CAPN13: variants seen among roughly 807,000 people sequenced by gnomAD.
CAPN13 encodes the protein calpain-13.
Under a neutral mutation model 98.4 loss-of-function variants are expected in CAPN13, and 90 were observed. That is an observed-to-expected ratio of 0.92 (90% CI 0.77 to 1.09). CAPN13 has a LOEUF of 1.09. Ranked by LOEUF, CAPN13 falls within the 50% of genes least tolerant of loss-of-function variation. The pLI, the probability that CAPN13 is intolerant of heterozygous loss-of-function variation, is 0.00. For missense variants in CAPN13, 887 were observed against 841.3 expected (o/e 1.05, Z -0.67); for synonymous variants, 330 against 305.5 (o/e 1.08, Z -0.84).
intron 17 of CAPN13, 66 bp downstream of exon 17, chr2:30,738,169 G>A (rs746903094): frequency 1.3e-6 from 2 of 1,558,618 alleles, no homozygotes; most frequent in East Asian, 4.5e-5. Flanking sequence ...TCCTAATTAG[G>A]TCTCTGGGGA....
intron 1 of CAPN13, among the ~76,000 whole-genome samples, chr2:30,793,857 A>G (rs2148091305): frequency 6.6e-6 from 1 of 151,970 alleles, no homozygotes; most frequent in East Asian, 1.9e-4. Context: ...ATGGTGCTGG[A>G]TCAACAGGAT....
intron 1 of CAPN13, among the ~76,000 whole-genome samples, chr2:30,806,514 C>A (rs141102661): frequency 3.9e-5 from 6 of 152,152 alleles, no homozygotes; most frequent in Non-Finnish European, 8.8e-5. Context: ...TAATGCCACT[C>A]GGGGGTAACC....
chr2:30,787,080 G>A lies in CAPN13; in HGVS notation c.198+48C>T, dbSNP rs200853816. On this transcript the variant is annotated intron_variant, in intron 2 of 22. Transcript: ENST00000295055. ...TTTGGCTGGAGGTGCCATGGCAGGC[G>A]ACTCCGAGGACCCTGGAGCTGGGTA... The A allele has an allele frequency of 5.8e-3, 8,362 of 1,436,906 alleles. 30 individuals carry two copies. Among genetic ancestry groups the A allele is most frequent in the Non-Finnish European group, 7.0e-3 (7,565 of 1,078,362 alleles). 89.0% of individuals were successfully genotyped at this position (1,436,906 alleles called of 1,614,324 possible). A position where few individuals can be genotyped will look rare whatever the true frequency, so the allele number is the denominator to read the frequency against.
chr2:30,753,184 T>C lies in CAPN13; in HGVS notation c.956A>G (p.Asp319Gly). 1.2e-6 allele frequency: 2 copies of C among 1,614,004 alleles called. No individual in the cohort carries two copies. The highest frequency in any genetic ancestry group is 1.7e-6 in the Non-Finnish European group (2 of 1,179,880). Residue 319 changes from aspartate (D) to glycine (G), a missense_variant, in exon 10 of 23, where the codon GAT (aspartate) becomes GGT (glycine). Coordinates refer to ENST00000295055, the MANE Select transcript of CAPN13 (RefSeq NM_144575.3). ...EDGEFWMSCQDFQQKFIAMFI... is the reference protein window; with the variant it reads ...EDGEFWMSCQGFQQKFIAMFI... The stretch of plus-strand genomic sequence containing the variant: ...CATGGCGATGAATTTCTGTTGGAAA[T>C]CTTGACACGACATCCTGTTAAAAAC...
chr2:30,737,997 ACACACACACC>A, intron 17 of CAPN13: 2 of 558,408 alleles, frequency 3.6e-6, no homozygotes, highest in Admixed American at 3.0e-5. Flanking sequence ...ACACACACAC[ACACACACACC>A]CCAGTACACT....
In CAPN13 at chr2:30,743,366, C is replaced by T; in HGVS notation, c.1445+17G>A. ...TTAAGTAGAATAAAACATTTACAAT[C>T]CCAGAGGGTTCTGTACCTGTCACTG... On this transcript the variant is annotated intron_variant, in intron 13 of 22. Coordinates refer to ENST00000295055, the MANE Select transcript of CAPN13 (RefSeq NM_144575.3). The T allele has an allele frequency of 6.2e-7, 1 of 1,601,062 alleles. No individual in the cohort carries two copies. Among genetic ancestry groups the T allele is most frequent in the East Asian group, 2.2e-5 (1 of 44,826 alleles).
chr2:30,732,712 T>G, intron 19 of CAPN13, 146 bp from the exon 20 acceptor site: 3 of 1,131,184 alleles, frequency 2.7e-6, no homozygotes, highest in Non-Finnish European at 3.7e-6. Context: ...GTGTCTTCTC[T>G]TTCCTGTTGG....
intron 14 of CAPN13, 126 bp downstream of exon 14, chr2:30,742,200 G>A (rs575456574): frequency 5.6e-5 from 68 of 1,225,024 alleles, no homozygotes; most frequent in African/African-American, 3.2e-4. Context: ...AGCCTTCATC[G>A]GCCTATCATG....
intron 6 of CAPN13, 146 bp downstream of exon 6, chr2:30,763,986 A>G: frequency 3.9e-6 from 3 of 768,414 alleles, no homozygotes; most frequent in Non-Finnish European, 6.2e-6. Context: ...TGCAGGGTTC[A>G]ATGGGGTGAC....
chr2:30,759,638 G>T (rs1323459977), intron 7 of CAPN13, among the ~76,000 whole-genome samples: 5 of 152,164 alleles, frequency 3.3e-5, no homozygotes, highest in African/African-American at 1.2e-4. Context: ...AGCTAGGTGC[G>T]GGCTGATGTG....
rs546247782 is a variant in CAPN13 at position 30,741,723 on chromosome 2, C to T, written c.1536+185G>A. The T allele has an allele frequency of 4.4e-5, 64 of 1,444,992 alleles. 3 individuals are homozygous for T. The South Asian group carries it at 8.7e-4, about 20-fold the overall frequency. 89.5% of individuals were successfully genotyped at this position (1,444,992 alleles called of 1,614,324 possible). A position where few individuals can be genotyped will look rare whatever the true frequency, so the allele number is the denominator to read the frequency against. Reference sequence around the variant, plus strand: ...CCCCCGGATGACACTGGGTGGGGCGCCACGTCTCTACCGAGCTTGGCAGCC... The same window carrying T: ...CCCCCGGATGACACTGGGTGGGGCGTCACGTCTCTACCGAGCTTGGCAGCC... On this transcript the variant is annotated intron_variant, in intron 15 of 22. Coordinates refer to ENST00000295055, the MANE Select transcript of CAPN13 (RefSeq NM_144575.3).
chr2:30,794,560 A>G (rs1198507858), intron 1 of CAPN13, among the ~76,000 whole-genome samples: 2 of 151,932 alleles, frequency 1.3e-5, no homozygotes, highest in Non-Finnish European at 3.0e-5. Context: ...TTTACCCAAG[A>G]GAAATGAAAG....
chr2:30,771,240 C>A (rs1413952594), intron 4 of CAPN13, among the ~76,000 whole-genome samples: 1 of 152,204 alleles, frequency 6.6e-6, no homozygotes, highest in East Asian at 1.9e-4. Flanking sequence ...CTTTGCTGGC[C>A]TCCCCTGTGT....
intron 18 of CAPN13, among the ~76,000 whole-genome samples, chr2:30,736,152 G>A (rs901651877): frequency 6.8e-6 from 1 of 147,772 alleles, no homozygotes; most frequent in African/African-American, 2.5e-5. Flanking sequence ...CTATGTTTTC[G>A]ACAGATCCTC....
At chr2:30,794,051 GA>G (rs1002165456) in intron 1 of CAPN13, among the ~76,000 whole-genome samples, 8 of 150,980 alleles carry the variant, frequency 5.3e-5, no homozygotes, top group Middle Eastern at 3.4e-3. Context: ...AGCCATACAA[GA>G]AAAAAAATTG....
At position 30,745,894 on chromosome 2, in the gene CAPN13, ATTTTTTTTTTT is replaced by A. The variant is rs57880021; in HGVS notation, c.1237-171_1237-161del. 4.3e-5 allele frequency among the ~76,000 whole-genome samples: 4 copies of A among 92,768 alleles called. No individual in the cohort carries two copies. In the South Asian group the frequency reaches 1.6e-3, roughly 36 times the overall value. The allele number at this position is 92,768 out of a possible 152,430, so 60.9% of individuals were successfully genotyped here. Reference sequence around the variant, plus strand: ...TTTTATATCTGTTATGCCATAAAGCATTTTTTTTTTTTTTTTTTTTTTTTGAGATGGAGTCT... The same window carrying A: ...TTTTATATCTGTTATGCCATAAAGCATTTTTTTTTTTTTGAGATGGAGTCT... On this transcript the variant is annotated intron_variant, in intron 11 of 22. Transcript: ENST00000295055.
intron 2 of CAPN13, among the ~76,000 whole-genome samples, chr2:30,784,382 CA>C (rs1369643393): frequency 1.3e-5 from 2 of 152,096 alleles, no homozygotes; most frequent in African/African-American, 4.8e-5. Context: ...TGACTTTTCC[CA>C]AATTAATCAC....
In CAPN13 at chr2:30,750,993, T is replaced by G. The variant is rs915555645; in HGVS notation, c.1236+110A>C. The G allele has an allele frequency of 1.7e-5, 21 of 1,263,422 alleles. No individual in the cohort carries two copies. The South Asian group carries it at 3.0e-4, about 18-fold the overall frequency. 78.3% of individuals were successfully genotyped at this position (1,263,422 alleles called of 1,614,324 possible). On this transcript the variant is annotated intron_variant, in intron 11 of 22. Coordinates refer to ENST00000295055, the MANE Select transcript of CAPN13 (RefSeq NM_144575.3). ...TGCTACAGCCTCTTTGGGCTTTATC[T>G]CCAAGGCTGTGGTGCAGTCAAATCT...
chr2:30,754,203 C>G (rs1672321559), intron 9 of CAPN13, 87 bp downstream of exon 9: 7 of 1,075,906 alleles, frequency 6.5e-6, no homozygotes, highest in Non-Finnish European at 9.0e-6. Flanking sequence ...TATTTTCCAC[C>G]TTCGTAAATG....
Sources: gnomAD v4.1 joint callset for allele counts (sites outside exome capture counted in the v4.1 genomes callset) on GRCh38, gnomAD v4.1.1 for gene constraint, MANE v1.5 for transcripts, NCBI Gene and HGNC (gene_info 2026-07-23, HGNC 2026-07-21) for gene names.